Variants in GPHN observed in about 807,000 individuals in gnomAD.
GPHN encodes the protein gephyrin.
A neutral mutation model predicts 95.5 loss-of-function variants in GPHN; 17 were observed. That is an observed-to-expected ratio of 0.18 (90% confidence interval 0.12 to 0.27). The LOEUF (loss-of-function observed/expected upper bound fraction) is 0.27, where lower values mean the gene tolerates loss of function less well. Ranked by LOEUF, GPHN falls within the 10% of genes least tolerant of loss-of-function variation. The pLI, the probability that GPHN is intolerant of heterozygous loss-of-function variation, is 1.00. For missense variants in GPHN, 660 were observed against 978.1 expected, an observed-to-expected ratio of 0.67 and a Z score of 4.34; for synonymous variants, 320 against 322.5, an observed-to-expected ratio of 0.99 and a Z score of 0.08.
At chr14:67,561,129 A>G in the GPHN span, among the ~76,000 whole-genome samples, 1 of 152,176 alleles carries the variant, frequency 6.6e-6, no homozygotes, top group Non-Finnish European at 1.5e-5. Context: ...TTGGATGTAC[A>G]TCTCAGGTCA....
At chr14:67,032,708 C>T (rs922431964) in intron 10 of GPHN, among the ~76,000 whole-genome samples, 1 of 152,176 alleles carries the variant, frequency 6.6e-6, no homozygotes, top group Admixed American at 6.5e-5. Flanking sequence ...CCAGAGAAGT[C>T]ACATTCCCCC....
At chr14:67,610,781 T>C in the GPHN span, among the ~76,000 whole-genome samples, 2 of 152,128 alleles carry the variant, frequency 1.3e-5, no homozygotes, top group African/African-American at 4.8e-5. Context: ...GTTCCCCAGC[T>C]CCCTGCCTAC....
chr14:67,727,739 T>C, the GPHN span: 1 of 179,192 alleles, frequency 5.6e-6, no homozygotes, highest in South Asian at 1.2e-4. Context: ...GAAGAGGCCT[T>C]TGGTAACAGG....
rs192784197 is a variant in GPHN, at chr14:66,920,087, A to G, written c.457-2579A>G. Among the ~76,000 whole-genome samples the G allele has an allele frequency of 7.9e-4, 120 of 152,202 alleles. 1 individual carries two copies. The highest frequency in any genetic ancestry group is 4.5e-3 in the East Asian group (23 of 5,162). The stretch of plus-strand genomic sequence containing the variant: ...TCTCAAAACAAACAAACAAAAAAAA[A>G]TGGTTAACTAGATTTGACCCATCCA... On this transcript the variant is annotated intron_variant, in intron 6 of 22. Transcript: ENST00000478722.
intron 3 of GPHN, among the ~76,000 whole-genome samples, chr14:66,778,178 T>C (rs200534334): frequency 6.6e-6 from 1 of 151,994 alleles, no homozygotes; most frequent in Non-Finnish European, 1.5e-5. Context: ...TATACACCAA[T>C]AACAGACAAA....
chr14:67,673,293 G>C, the GPHN span, among the ~76,000 whole-genome samples: 1 of 151,996 alleles, frequency 6.6e-6, no homozygotes. Flanking sequence ...GCAGTGAGCC[G>C]AGATCGTGCC....
intron 11 of GPHN, among the ~76,000 whole-genome samples, chr14:67,070,436 G>A (rs986103506): frequency 3.5e-4 from 52 of 149,242 alleles, no homozygotes; most frequent in Admixed American, 1.5e-3. Context: ...GGTGGCTCAC[G>A]CCTGTAATCC....
intron 1 of GPHN, among the ~76,000 whole-genome samples, chr14:66,607,351 G>A (rs1430869662): frequency 6.6e-6 from 1 of 151,762 alleles, no homozygotes; most frequent in African/African-American, 2.4e-5. Flanking sequence ...ACTTTTTAAT[G>A]TGCTGCTGGA....
At chr14:67,558,145 C>T in the GPHN span, among the ~76,000 whole-genome samples, 3 of 152,204 alleles carry the variant, frequency 2.0e-5, no homozygotes, top group African/African-American at 7.2e-5. Flanking sequence ...GCCTTCTCCC[C>T]TTCACAATCT....
intron 1 of GPHN, among the ~76,000 whole-genome samples, chr14:66,677,559 T>G (rs2066677934): frequency 6.6e-6 from 1 of 152,116 alleles, no homozygotes; most frequent in Admixed American, 6.5e-5. Flanking sequence ...ATCTTATTAA[T>G]TTTTGATTTT....
chr14:66,853,504 T>TGGCTGAAGACGAATGAGGA (rs1165619832), intron 4 of GPHN, among the ~76,000 whole-genome samples: 1 of 152,190 alleles, frequency 6.6e-6, no homozygotes, highest in East Asian at 1.9e-4. Context: ...CTCACAATGA[T>TGGCTGAAGACGAATGAGGA]GGCTGAAGAC....
intron 4 of GPHN, among the ~76,000 whole-genome samples, chr14:66,852,040 C>T (rs192464682): frequency 1.3e-5 from 2 of 151,926 alleles, no homozygotes; most frequent in Admixed American, 6.6e-5. Flanking sequence ...CTTCAAAGCC[C>T]GTGTGTATTA....
At chr14:67,708,905 G>A in the GPHN span, among the ~76,000 whole-genome samples, 1 of 150,312 alleles carries the variant, frequency 6.7e-6, no homozygotes, top group African/African-American at 2.4e-5. Context: ...TGATTCTCCT[G>A]CCTCAGCCTC....
chr14:66,609,319 C>G (rs191017141), intron 1 of GPHN, among the ~76,000 whole-genome samples: 20 of 152,094 alleles, frequency 1.3e-4, no homozygotes, highest in Non-Finnish European at 1.5e-4. Context: ...CCGCTACTAT[C>G]CTGATGGGGT....
the GPHN span, among the ~76,000 whole-genome samples, chr14:67,511,808 C>G: frequency 1.3e-5 from 2 of 152,134 alleles, no homozygotes; most frequent in African/African-American, 4.8e-5. Context: ...GGAGGAGAGC[C>G]GAAGGCCACA....
chr14:66,583,023 T>C (rs574563359), intron 1 of GPHN, among the ~76,000 whole-genome samples: 1 of 152,192 alleles, frequency 6.6e-6, no homozygotes, highest in Admixed American at 6.5e-5. Flanking sequence ...TGTTCCTATT[T>C]CTCCACATCC....
chr14:67,347,507 T>TTC, the GPHN span: 1 of 1,489,156 alleles, frequency 6.7e-7, no homozygotes, highest in East Asian at 2.3e-5. Flanking sequence ...TCTCTCTTTT[T>TTC]TTTTTTTTTC....
intron 1 of GPHN, among the ~76,000 whole-genome samples, chr14:66,652,763 G>C (rs970230301): frequency 6.6e-6 from 1 of 152,144 alleles, no homozygotes; most frequent in Non-Finnish European, 1.5e-5. Context: ...TTGGCAGAGA[G>C]AGAAGCATAC....
chr14:67,156,277 T>A (rs1471574978), intron 18 of GPHN, among the ~76,000 whole-genome samples: 1 of 152,020 alleles, frequency 6.6e-6, no homozygotes, highest in African/African-American at 2.4e-5. Context: ...ATGTAGAAAA[T>A]ATATACAATA....
Sources: gnomAD v4.1 joint callset for allele counts (sites outside exome capture counted in the v4.1 genomes callset) on GRCh38, gnomAD v4.1.1 for gene constraint, MANE v1.5 for transcripts, NCBI Gene and HGNC (gene_info 2026-07-23, HGNC 2026-07-21) for gene names.